IGSF5: variants seen among roughly 807,000 people sequenced by gnomAD.
IGSF5 encodes immunoglobulin superfamily member 5, also known as immunoglobulin superfamily 5 like.
IGSF5 carries 41 observed loss-of-function variants against 39.4 expected under a neutral mutation model. The observed-to-expected ratio is 1.04, with a 90% CI of 0.81 to 1.35. The LOEUF is 1.35. Among genes scored for constraint, IGSF5 ranks in the 40% most tolerant of loss-of-function variants. The pLI, the probability that IGSF5 is intolerant of heterozygous loss-of-function variation, is 0.00. For missense variants in IGSF5, 487 were observed against 494.6 expected (o/e 0.98, Z 0.15); for synonymous variants, 183 against 175.3 (o/e 1.04, Z -0.34).
rs1417212730 is a variant in IGSF5, at chr21:39,745,201, C to G, written c.-309C>G. Among the ~76,000 whole-genome samples the G allele has an allele frequency of 1.3e-5, 2 of 151,966 alleles. No homozygotes were observed. Among genetic ancestry groups the G allele is most frequent in the African/African-American group, 4.8e-5 (2 of 41,382 alleles). On this transcript the variant is annotated 5_prime_UTR_variant, in exon 1 of 9. Transcript: ENST00000380588. ...CATCTCTCTCTCTCCGTGTCTCTCT[C>G]TTAGCCATTACAAACTTGGGGCCCT... is the stretch of plus-strand genomic sequence containing the variant.
chr21:39,762,968 A>G (rs1055186158), intron 2 of IGSF5, among the ~76,000 whole-genome samples: 2 of 152,168 alleles, frequency 1.3e-5, no homozygotes, highest in Non-Finnish European at 2.9e-5. Flanking sequence ...TGTTTGCTCT[A>G]TAAAGCAAAA....
chr21:39,712,574 G>C, the IGSF5 span, among the ~76,000 whole-genome samples: 2 of 152,084 alleles, frequency 1.3e-5, no homozygotes, highest in Non-Finnish European at 2.9e-5. Flanking sequence ...GTATTTAGTA[G>C]CTAGATCAGC....
At chr21:39,742,103 T>C (rs1006322560), upstream of IGSF5, among the ~76,000 whole-genome samples, 2 of 151,798 alleles carry the variant, frequency 1.3e-5, no homozygotes, top group Non-Finnish European at 2.9e-5. Flanking sequence ...CATTCTTTGC[T>C]TGTCCATATT....
intron 8 of IGSF5, among the ~76,000 whole-genome samples, chr21:39,799,623 C>G (rs1264399598): frequency 2.0e-5 from 3 of 151,858 alleles, no homozygotes; most frequent in Non-Finnish European, 2.9e-5. Context: ...TTACTTGTAC[C>G]TCGTGTCCCT....
intron 2 of IGSF5, among the ~76,000 whole-genome samples, chr21:39,759,482 T>C (rs2080050026): frequency 6.6e-6 from 1 of 152,190 alleles, no homozygotes; most frequent in Non-Finnish European, 1.5e-5. Flanking sequence ...TATGGGCCTA[T>C]TTCAGCCGTG....
rs2146267576 is a variant in IGSF5 at position 39,745,310 on chromosome 21, G to A, written c.-200G>A. ...AAATTAGGAGGGACGCCAGGGATAA[G>A]ACTCCCTGGGCTATAGCCTAGGTGC... On this transcript the variant is annotated 5_prime_UTR_variant, in exon 1 of 9. Coordinates refer to ENST00000380588, the MANE Select transcript of IGSF5 (RefSeq NM_001080444.2). 1 of 483,014 alleles carries A rather than the reference G, an allele frequency of 2.1e-6. No homozygotes were observed. Among genetic ancestry groups the A allele is most frequent in the Non-Finnish European group, 3.7e-6 (1 of 267,296 alleles). 29.9% of individuals were successfully genotyped at this position (483,014 alleles called of 1,614,324 possible).
intron 2 of IGSF5, among the ~76,000 whole-genome samples, chr21:39,753,586 C>T (rs2080015864): frequency 6.6e-6 from 1 of 152,130 alleles, no homozygotes; most frequent in South Asian, 2.1e-4. Context: ...TGAAGTCCCC[C>T]ACTATTATTG....
chr21:39,783,476 G>GT (rs1352982198), intron 5 of IGSF5, among the ~76,000 whole-genome samples: 1 of 152,090 alleles, frequency 6.6e-6, no homozygotes, highest in Non-Finnish European at 1.5e-5. Context: ...GATGTTGAAT[G>GT]TTTTTTCATA....
the IGSF5 span, among the ~76,000 whole-genome samples, chr21:39,739,241 T>C: frequency 2.6e-5 from 4 of 151,170 alleles, no homozygotes; most frequent in African/African-American, 7.4e-5. Context: ...TCTTTTTCTT[T>C]TTTTCTTCTG....
At chr21:39,771,316 G>A in intron 4 of IGSF5, 101 bp downstream of exon 4, 1 of 1,164,032 alleles carries the variant, frequency 8.6e-7, no homozygotes, top group Non-Finnish European at 1.2e-6. Flanking sequence ...AAAATCATAT[G>A]GCGACCTTGA....
At chr21:39,717,361 T>C in the IGSF5 span, among the ~76,000 whole-genome samples, 1 of 152,234 alleles carries the variant, frequency 6.6e-6, no homozygotes, top group Non-Finnish European at 1.5e-5. Context: ...ATACCATTTG[T>C]CAATTTTTGC....
intron 5 of IGSF5, among the ~76,000 whole-genome samples, chr21:39,784,622 C>T (rs994166841): frequency 2.0e-5 from 3 of 151,728 alleles, no homozygotes; most frequent in African/African-American, 7.3e-5. Context: ...CCCTGCCCAC[C>T]CCATTCACAG....
chr21:39,800,231 C>T (rs1407108412), intron 8 of IGSF5, among the ~76,000 whole-genome samples: 1 of 152,126 alleles, frequency 6.6e-6, no homozygotes, highest in African/African-American at 2.4e-5. Context: ...TTGTCCTGTG[C>T]CTTAACTCAC....
intron 4 of IGSF5, among the ~76,000 whole-genome samples, chr21:39,777,398 C>T (rs2837214): frequency 0.6 from 91,602 of 152,020 alleles, 30,124 homozygotes; most frequent in Non-Finnish European, 0.73. Flanking sequence ...ATCCTGGAGG[C>T]GGGCTTTGAA....
At chr21:39,736,679 C>A in the IGSF5 span, among the ~76,000 whole-genome samples, 1 of 152,214 alleles carries the variant, frequency 6.6e-6, no homozygotes, top group Non-Finnish European at 1.5e-5. Context: ...GGGTTGGGGA[C>A]CCTGTACTTG....
upstream of IGSF5, among the ~76,000 whole-genome samples, chr21:39,740,773 G>T (rs2079945118): frequency 3.9e-5 from 6 of 152,198 alleles, no homozygotes; most frequent in Non-Finnish European, 7.3e-5. Flanking sequence ...ATGTGTCCAG[G>T]TTAAGAGCTG....
rs143191361 is a variant in IGSF5 at position 39,779,236 on chromosome 21, T to C, written c.865T>C (p.Cys289Arg). Residue 289 changes from cysteine (C) to arginine (R), a missense_variant, in exon 5 of 9, where the codon TGC (cysteine) becomes CGC (arginine). By Grantham distance (180) the Cys-to-Arg change is radical. Coordinates refer to ENST00000380588, the MANE Select transcript of IGSF5 (RefSeq NM_001080444.2). ...PTCTLTIRCC[C>R]CRRRCCGCNC... ...GTGTACTCTTACAATACGCTGCTGC[T>C]GCTGCCGCCGTCGTTGTTGTGGCTG... 1.0e-2 allele frequency: 16,080 copies of C among 1,613,878 alleles called. 99 individuals carry two copies. The highest frequency in any genetic ancestry group is 0.012 in the Non-Finnish European group (13,654 of 1,179,850).
chr21:39,727,086 G>A, the IGSF5 span, among the ~76,000 whole-genome samples: 1 of 152,000 alleles, frequency 6.6e-6, no homozygotes, highest in South Asian at 2.1e-4. Flanking sequence ...GACACCAATT[G>A]TCAGGACACA....
intron 2 of IGSF5, 61 bp from the exon 3 acceptor site, chr21:39,765,474 C>A: frequency 6.8e-7 from 1 of 1,480,078 alleles, no homozygotes; most frequent in Non-Finnish European, 9.4e-7. Flanking sequence ...AAGGTTACAG[C>A]ACACAGTTGA....
Sources: gnomAD v4.1 joint callset for allele counts (sites outside exome capture counted in the v4.1 genomes callset) on GRCh38, gnomAD v4.1.1 for gene constraint, MANE v1.5 for transcripts, NCBI Gene and HGNC (gene_info 2026-07-23, HGNC 2026-07-21) for gene names.